The following BMPER variants were observed in gnomAD, a reference collection of about 807,000 sequenced individuals.
BMPER encodes BMP-binding endothelial regulator protein.
In BMPER, 45 loss-of-function variants were observed where a neutral mutation model predicts 87.3. The ratio of observed to expected loss-of-function variants is 0.52; its 90% CI spans 0.41 to 0.66. The LOEUF is 0.66. Among genes scored for constraint, BMPER ranks in the 30% least tolerant of loss-of-function variants. The pLI is 0.00. For missense variants in BMPER, 784 were observed against 867.5 expected (o/e 0.90, Z 1.21); for synonymous variants, 326 against 316.2 (o/e 1.03, Z -0.33).
intron 13 of BMPER, among the ~76,000 whole-genome samples, chr7:34,120,108 A>G (rs1790224629): frequency 6.6e-6 from 1 of 152,224 alleles, no homozygotes; most frequent in African/African-American, 2.4e-5. Flanking sequence ...ATAAGGGCAG[A>G]TTTTAACACA....
At chr7:34,072,715 G>A (rs1334774576) in intron 11 of BMPER, among the ~76,000 whole-genome samples, 3 of 152,208 alleles carry the variant, frequency 2.0e-5, no homozygotes, top group Non-Finnish European at 4.4e-5. Flanking sequence ...CTGGGCATTA[G>A]GAGGTGGACA....
At chr7:34,000,043 C>G (rs757821970) in intron 6 of BMPER, among the ~76,000 whole-genome samples, 5 of 152,166 alleles carry the variant, frequency 3.3e-5, no homozygotes, top group Non-Finnish European at 7.4e-5. Flanking sequence ...TTTTTCTGAT[C>G]TACTAAAAAA....
intron 2 of BMPER, among the ~76,000 whole-genome samples, chr7:33,927,224 G>A (rs922563045): frequency 1.1e-4 from 16 of 152,162 alleles, no homozygotes; most frequent in Non-Finnish European, 7.3e-5. Context: ...GGGCTTTCAC[G>A]GGGCAATCTG....
In BMPER at chr7:34,036,790, T is replaced by A. The variant is rs114731701; in HGVS notation, c.577-9516T>A. Among the ~76,000 whole-genome samples, 1,347 of 152,262 alleles carry A rather than the reference T, an allele frequency of 8.8e-3. 18 individuals are homozygous for A. The highest frequency in any genetic ancestry group is 0.031 in the African/African-American group (1,275 of 41,556). ...ACCAGTTGGAATTTGCCTCAAACAA[T>A]ATCGCAGTCTTTCATCAGTGATTTG... is the stretch of plus-strand genomic sequence containing the variant. On this transcript the variant is annotated intron_variant, in intron 6 of 14. Transcript: ENST00000649409.
chr7:34,082,524 A>G (rs1789080591), intron 12 of BMPER, among the ~76,000 whole-genome samples: 1 of 152,106 alleles, frequency 6.6e-6, no homozygotes, highest in African/African-American at 2.4e-5. Flanking sequence ...TTAATGTAAT[A>G]ATGGCAAGGA....
chr7:33,952,317 T>C (rs1345590875), intron 3 of BMPER, among the ~76,000 whole-genome samples: 4 of 152,172 alleles, frequency 2.6e-5, no homozygotes, highest in African/African-American at 9.7e-5. Context: ...TTTAAGATGA[T>C]TTTTCCCCCT....
chr7:34,101,320 A>G (rs1789676947), intron 13 of BMPER, among the ~76,000 whole-genome samples: 1 of 152,212 alleles, frequency 6.6e-6, no homozygotes, highest in Non-Finnish European at 1.5e-5. Context: ...TGCAGGGAGC[A>G]AAGGCACACC....
At chr7:33,948,267 TA>T (rs1160767596) in intron 3 of BMPER, among the ~76,000 whole-genome samples, 23 of 152,338 alleles carry the variant, frequency 1.5e-4, no homozygotes, top group African/African-American at 5.5e-4. Flanking sequence ...TCATGTAAAC[TA>T]CACTGTGAAA....
chr7:34,056,953 T>G (rs960076351), intron 9 of BMPER, among the ~76,000 whole-genome samples: 2 of 152,198 alleles, frequency 1.3e-5, no homozygotes, highest in Non-Finnish European at 2.9e-5. Flanking sequence ...AAACGGTTCC[T>G]TTAAATGACT....
At position 33,936,073 on chromosome 7, in the gene BMPER, G is replaced by T. The variant is rs553191368; in HGVS notation, c.220-1216G>T. 8.5e-5 allele frequency among the ~76,000 whole-genome samples: 13 copies of T among 152,226 alleles called. No homozygotes were observed. The South Asian group carries it at 2.7e-3, about 32-fold the overall frequency. ...CACCCACACACACACACACCTGCAG[G>T]CTCGCATGTGTCTCCTTGGTTCTGA... On this transcript the variant is annotated intron_variant, in intron 2 of 14. Transcript: ENST00000649409.
chr7:34,136,567 C>T (rs577243610), intron 13 of BMPER, among the ~76,000 whole-genome samples: 15 of 152,258 alleles, frequency 9.9e-5, no homozygotes, highest in Admixed American at 7.8e-4. Flanking sequence ...CTTCTCCCTC[C>T]CCTGTTTTCC....
At chr7:34,060,989 A>C (rs568450325) in intron 10 of BMPER, among the ~76,000 whole-genome samples, 1 of 152,338 alleles carries the variant, frequency 6.6e-6, no homozygotes, top group South Asian at 2.1e-4. Context: ...TTTTGGTTCT[A>C]CTACTCTTGT....
chr7:34,055,006 A>G (rs1351297450), intron 8 of BMPER, among the ~76,000 whole-genome samples, 157 bp from the exon 9 acceptor site: 1 of 152,202 alleles, frequency 6.6e-6, no homozygotes, highest in Non-Finnish European at 1.5e-5. Flanking sequence ...AACAAATCAC[A>G]ATTTGAAGTG....
At chr7:34,060,032 C>G (rs1788394689) in intron 10 of BMPER, among the ~76,000 whole-genome samples, 1 of 152,090 alleles carries the variant, frequency 6.6e-6, no homozygotes, top group African/African-American at 2.4e-5. Flanking sequence ...AGTGACAACA[C>G]TAATCTCATT....
chr7:34,070,743 C>G (rs539523081), intron 11 of BMPER, among the ~76,000 whole-genome samples: 1 of 151,336 alleles, frequency 6.6e-6, no homozygotes, highest in East Asian at 1.9e-4. Flanking sequence ...TCTCAGAGCC[C>G]TTAATATGCT....
chr7:33,937,549 T>C (rs969447464), intron 3 of BMPER, 161 bp downstream of exon 3: 1 of 691,260 alleles, frequency 1.4e-6, no homozygotes, highest in African/African-American at 1.8e-5. Context: ...TGTGTGTGTT[T>C]GTGTGTATGT....
chr7:34,024,054 G>A (rs1451814943), intron 6 of BMPER, among the ~76,000 whole-genome samples: 1 of 151,902 alleles, frequency 6.6e-6, no homozygotes, highest in East Asian at 2.0e-4. Flanking sequence ...GTCTGAATAA[G>A]TTAAAAATCT....
intron 13 of BMPER, among the ~76,000 whole-genome samples, chr7:34,094,238 T>G (rs1789468336): frequency 6.6e-6 from 1 of 152,228 alleles, no homozygotes; most frequent in African/African-American, 2.4e-5. Flanking sequence ...GGGATGGCGA[T>G]TTGGAACTTA....
At chr7:33,932,296 T>C (rs1266669996) in intron 2 of BMPER, among the ~76,000 whole-genome samples, 4 of 152,250 alleles carry the variant, frequency 2.6e-5, no homozygotes, top group South Asian at 2.1e-4. Context: ...CCCGCCACTT[T>C]ATTCCCAGCA....
Sources: allele counts gnomAD v4.1 joint callset (sites outside exome capture counted in the v4.1 genomes callset), GRCh38; gene constraint gnomAD v4.1.1; transcripts MANE v1.5; gene names NCBI Gene and HGNC (gene_info 2026-07-23, HGNC 2026-07-21).